Variants in KANK4 observed in about 807,000 individuals in gnomAD.
The protein encoded by KANK4 is KN motif and ankyrin repeat domain-containing protein 4.
KANK4 carries 50 observed loss-of-function variants against 80.8 expected under a neutral mutation model. The observed-to-expected ratio is 0.62, with a 90% CI of 0.49 to 0.78. The LOEUF (loss-of-function observed/expected upper bound fraction) is 0.78. Ranked by LOEUF, KANK4 falls within the 30% of genes least tolerant of loss-of-function variation. The pLI, the probability that KANK4 is intolerant of heterozygous loss-of-function variation, is 0.00. For missense variants in KANK4, 1,196 were observed against 1,240.1 expected, an observed-to-expected ratio of 0.96 and a Z score of 0.53; for synonymous variants, 465 against 506.9, an observed-to-expected ratio of 0.92 and a Z score of 1.11.
intron 1 of KANK4, among the ~76,000 whole-genome samples, chr1:62,297,667 T>C (rs1340854772): frequency 6.6e-6 from 1 of 152,174 alleles, no homozygotes; most frequent in African/African-American, 2.4e-5. Context: ...AATATAAACA[T>C]GGTTGGGGAC....
intron 7 of KANK4, among the ~76,000 whole-genome samples, chr1:62,261,407 G>A (rs1028154343): frequency 3.3e-5 from 5 of 151,654 alleles, no homozygotes; most frequent in Non-Finnish European, 7.4e-5. Flanking sequence ...TGATCCACCC[G>A]CTTCGGCCTC....
chr1:62,247,740 G>A, intron 8 of KANK4, 68 bp from the exon 9 acceptor site: 1 of 1,362,818 alleles, frequency 7.3e-7, no homozygotes, highest in Non-Finnish European at 1.0e-6. Flanking sequence ...CTCCAGCCTG[G>A]GTGTGCTCAT....
intron 2 of KANK4, among the ~76,000 whole-genome samples, chr1:62,275,802 C>T (rs371190650): frequency 1.3e-4 from 17 of 135,486 alleles, no homozygotes; most frequent in African/African-American, 4.7e-4. Flanking sequence ...CCTACTTTGG[C>T]CAGTAACTCA....
intron 7 of KANK4, among the ~76,000 whole-genome samples, chr1:62,254,699 G>A (rs757304381): frequency 3.3e-5 from 5 of 151,216 alleles, no homozygotes; most frequent in Non-Finnish European, 7.4e-5. Flanking sequence ...GACTACAGGC[G>A]TGCATCACCA....
chr1:62,317,722 T>C (rs1051628371), intron 1 of KANK4, among the ~76,000 whole-genome samples: 3 of 152,194 alleles, frequency 2.0e-5, no homozygotes, highest in Non-Finnish European at 4.4e-5. Context: ...GTTTTCAGGG[T>C]ATCTAGTCCT....
chr1:62,304,701 G>T (rs1466005442), intron 1 of KANK4, among the ~76,000 whole-genome samples: 1 of 151,880 alleles, frequency 6.6e-6, no homozygotes, highest in South Asian at 2.1e-4. Flanking sequence ...CACTGGGGCC[G>T]ATTACCCGCC....
At chr1:62,318,243 T>C (rs541727783) in intron 1 of KANK4, among the ~76,000 whole-genome samples, 1 of 152,304 alleles carries the variant, frequency 6.6e-6, no homozygotes, top group East Asian at 1.9e-4. Flanking sequence ...AAATACTCCC[T>C]CTTTGCCCTA....
At chr1:62,284,034 C>T (rs1672507352) in intron 1 of KANK4, among the ~76,000 whole-genome samples, 1 of 152,068 alleles carries the variant, frequency 6.6e-6, no homozygotes, top group Non-Finnish European at 1.5e-5. Context: ...TTCTCGGCAA[C>T]TTTTTACTCT....
At chr1:62,258,460 TTAA>T (rs1671801239) in intron 7 of KANK4, among the ~76,000 whole-genome samples, 1 of 152,196 alleles carries the variant, frequency 6.6e-6, no homozygotes, top group Non-Finnish European at 1.5e-5. Context: ...TAGCTATAAT[TTAA>T]TCTTCTTTTG....
At chr1:62,280,649 C>T (rs370706196) in intron 2 of KANK4, among the ~76,000 whole-genome samples, 3 of 152,174 alleles carry the variant, frequency 2.0e-5, no homozygotes, top group Admixed American at 6.5e-5. Flanking sequence ...GGGGTCTAGA[C>T]TGTGGCCTTC....
At chr1:62,251,134 C>A (rs2666482) in intron 8 of KANK4, among the ~76,000 whole-genome samples, 114,315 of 152,048 alleles carry the variant, frequency 0.75, 43,095 homozygotes, top group East Asian at 0.83. Flanking sequence ...CTTACTGTCC[C>A]TTATCAAAGC....
intron 1 of KANK4, among the ~76,000 whole-genome samples, chr1:62,287,034 A>G (rs531853039): frequency 6.6e-6 from 1 of 152,314 alleles, no homozygotes; most frequent in South Asian, 2.1e-4. Context: ...CGCAGACCAG[A>G]GACTCCGAGA....
At chr1:62,291,601 C>T (rs1437970129) in intron 1 of KANK4, among the ~76,000 whole-genome samples, 9 of 151,960 alleles carry the variant, frequency 5.9e-5, no homozygotes, top group African/African-American at 2.2e-4. Flanking sequence ...CCACCAGGTA[C>T]ACCTAATTTT....
intron 1 of KANK4, among the ~76,000 whole-genome samples, chr1:62,299,165 C>T (rs1387070399): frequency 6.6e-6 from 1 of 152,082 alleles, no homozygotes; most frequent in African/African-American, 2.4e-5. Context: ...TCAAGTGATC[C>T]TCCTGCCTCA....
rs1186216301 is a variant in KANK4 at position 62,248,093 on chromosome 1, C to T, written c.2683-421G>A. Among the ~76,000 whole-genome samples, 7 of 152,158 alleles carry T rather than the reference C, an allele frequency of 4.6e-5. No homozygotes were observed. In the East Asian group the frequency reaches 1.4e-3, roughly 29 times the overall value. ...AATGCTTGAGCATCATGGCTTCTTA[C>T]TGCCTGCCCCAGCCTGACTTTCCCC... On this transcript the variant is annotated intron_variant, in intron 8 of 9. Coordinates refer to ENST00000371153, the MANE Select transcript of KANK4 (RefSeq NM_181712.5).
At chr1:62,300,344 C>T (rs1478887932) in intron 1 of KANK4, among the ~76,000 whole-genome samples, 1 of 152,098 alleles carries the variant, frequency 6.6e-6, no homozygotes, top group Non-Finnish European at 1.5e-5. Flanking sequence ...AGGCACTGGG[C>T]TAGGTTCTGT....
At chr1:62,259,682 T>C (rs562268649) in intron 7 of KANK4, among the ~76,000 whole-genome samples, 1 of 151,292 alleles carries the variant, frequency 6.6e-6, no homozygotes, top group African/African-American at 2.4e-5. Flanking sequence ...AGTGGGATAA[T>C]CATCCTATTC....
intron 1 of KANK4, among the ~76,000 whole-genome samples, chr1:62,303,175 A>G (rs1054857909): frequency 6.6e-6 from 1 of 152,082 alleles, no homozygotes; most frequent in African/African-American, 2.4e-5. Context: ...GAGGCAGCTG[A>G]CACACATGGA....
At chr1:62,309,135 G>A (rs1237708222) in intron 1 of KANK4, among the ~76,000 whole-genome samples, 1 of 152,222 alleles carries the variant, frequency 6.6e-6, no homozygotes, top group Non-Finnish European at 1.5e-5. Flanking sequence ...TGCCATCAGC[G>A]TGCCAGCATG....
Sources: gnomAD v4.1 joint callset for allele counts (sites outside exome capture counted in the v4.1 genomes callset) on GRCh38, gnomAD v4.1.1 for gene constraint, MANE v1.5 for transcripts, NCBI Gene and HGNC (gene_info 2026-07-23, HGNC 2026-07-21) for gene names.